PCDH7: variants seen among roughly 807,000 people sequenced by gnomAD.
The protein encoded by PCDH7 is protocadherin 7, also known as protocadherin-7.
A neutral mutation model predicts 58.9 loss-of-function variants in PCDH7; 17 were observed. The observed-to-expected ratio is 0.29, with a 90% CI of 0.20 to 0.43. PCDH7 has a LOEUF of 0.43. Among genes scored for constraint, PCDH7 ranks in the 20% least tolerant of loss-of-function variants. PCDH7 has a pLI of 1.00. For synonymous variants in PCDH7, 664 were observed against 616.4 expected (o/e 1.08, Z -1.14); for missense variants, 1,274 against 1,441.0 (o/e 0.88, Z 1.88).
At chr4:30,912,858 T>C (rs1741972094) in intron 1 of PCDH7, among the ~76,000 whole-genome samples, 2 of 152,182 alleles carry the variant, frequency 1.3e-5, no homozygotes, top group South Asian at 2.1e-4. Flanking sequence ...CTGTAACTAT[T>C]GTGTACAGGT....
intron 1 of PCDH7, among the ~76,000 whole-genome samples, chr4:30,795,302 A>G (rs777275543): frequency 2.4e-4 from 37 of 152,332 alleles, no homozygotes; most frequent in Admixed American, 1.2e-3. Context: ...TTAAATGAAG[A>G]TAATAGCACA....
intron 1 of PCDH7, among the ~76,000 whole-genome samples, chr4:30,762,320 T>G (rs988979238): frequency 2.0e-5 from 3 of 152,180 alleles, no homozygotes; most frequent in Non-Finnish European, 2.9e-5. Context: ...CATTTAAGGA[T>G]GATTATTCAT....
chr4:30,925,441 C>G (rs912719004), intron 2 of PCDH7, among the ~76,000 whole-genome samples: 6 of 152,196 alleles, frequency 3.9e-5, no homozygotes, highest in Non-Finnish European at 8.8e-5. Flanking sequence ...GCAAGGCTGC[C>G]TCTTCCATCT....
chr4:31,017,120 C>T (rs1753681365), intron 3 of PCDH7, among the ~76,000 whole-genome samples: 1 of 152,092 alleles, frequency 6.6e-6, no homozygotes. Flanking sequence ...GAAGTACACC[C>T]AGTTAGCCAA....
chr4:30,735,527 G>GA (rs780991341), downstream of PCDH7, among the ~76,000 whole-genome samples: 1 of 152,148 alleles, frequency 6.6e-6, no homozygotes, highest in Non-Finnish European at 1.5e-5. Flanking sequence ...AGTGACCCCT[G>GA]AAGCAGTTTG....
At chr4:30,761,289 T>G (rs9291549) in intron 1 of PCDH7, among the ~76,000 whole-genome samples, 83,003 of 152,016 alleles carry the variant, frequency 0.55, 23,393 homozygotes, top group African/African-American at 0.68. Context: ...CCAGGAGCTT[T>G]CACTTTTACA....
rs73214926 is a variant in PCDH7 at position 30,887,315 on chromosome 4, A to G, written c.71-32838A>G. Among the ~76,000 whole-genome samples, 852 of 152,258 alleles carry G rather than the reference A, an allele frequency of 5.6e-3. 5 individuals carry two copies. The highest frequency in any genetic ancestry group is 0.02 in the Middle Eastern group (6 of 294). ...AGCTGGGATTGCTATAAGCACACTT[A>G]TAGCACATTAAGACCAAAGCAGAAA... On this transcript the variant is annotated intron_variant, in intron 1 of 3. Transcript: ENST00000509759.
chr4:31,075,008 A>C (rs1367359120), intron 3 of PCDH7, among the ~76,000 whole-genome samples: 1 of 152,050 alleles, frequency 6.6e-6, no homozygotes, highest in African/African-American at 2.4e-5. Flanking sequence ...GCTCTGCTGA[A>C]AAAGACTTTG....
At chr4:30,762,027 T>C (rs1720094730) in intron 1 of PCDH7, among the ~76,000 whole-genome samples, 1 of 152,214 alleles carries the variant, frequency 6.6e-6, no homozygotes, top group Admixed American at 6.5e-5. Context: ...TAAAGTCTTA[T>C]ACATGATCAA....
chr4:30,915,561 G>C (rs902065810), intron 1 of PCDH7, among the ~76,000 whole-genome samples: 1 of 152,074 alleles, frequency 6.6e-6, no homozygotes, highest in Non-Finnish European at 1.5e-5. Flanking sequence ...GTCTCGCTCT[G>C]TCACCAGGCT....
At chr4:30,844,516 T>G (rs1731656528) in intron 1 of PCDH7, among the ~76,000 whole-genome samples, 1 of 152,162 alleles carries the variant, frequency 6.6e-6, no homozygotes, top group Non-Finnish European at 1.5e-5. Context: ...TACTTGGAGC[T>G]TTTCTAGCTT....
At chr4:30,821,051 G>T (rs1728310863) in intron 1 of PCDH7, among the ~76,000 whole-genome samples, 1 of 152,108 alleles carries the variant, frequency 6.6e-6, no homozygotes, top group African/African-American at 2.4e-5. Flanking sequence ...TCAGTCGCTT[G>T]TGCTAAGGAC....
intron 1 of PCDH7, among the ~76,000 whole-genome samples, chr4:30,887,627 C>A (rs1372574075): frequency 1.1e-4 from 17 of 152,060 alleles, no homozygotes; most frequent in Non-Finnish European, 1.2e-4. Context: ...AAACAGTAAA[C>A]AAGTGTGATT....
At chr4:31,019,505 A>T (rs1477353860) in intron 3 of PCDH7, among the ~76,000 whole-genome samples, 10 of 151,792 alleles carry the variant, frequency 6.6e-5, no homozygotes, top group African/African-American at 2.4e-4. Flanking sequence ...AGAGTTAGAG[A>T]CCAACATGGT....
intron 3 of PCDH7, among the ~76,000 whole-genome samples, chr4:31,056,032 G>A (rs1275662176): frequency 6.6e-6 from 1 of 152,106 alleles, no homozygotes; most frequent in Non-Finnish European, 1.5e-5. Context: ...AGTTAGTAAT[G>A]TTTTCCCTTT....
Position 30,835,467 on chromosome 4 carries a change from A to G in PCDH7, c.71-84686A>G, listed in dbSNP as rs374868008. Reference sequence around the variant, plus strand: ...CTGAGGTAAAAGAGCTTCATCCAAAAGCCATCTCCCACCCACCAGCCTTCG... The same window carrying G: ...CTGAGGTAAAAGAGCTTCATCCAAAGGCCATCTCCCACCCACCAGCCTTCG... On this transcript the variant is annotated intron_variant, in intron 1 of 3. Coordinates refer to the PCDH7 transcript ENST00000509759. Among the ~76,000 whole-genome samples, 216 of 152,268 alleles carry G rather than the reference A, an allele frequency of 1.4e-3. 1 individual carries two copies. The highest frequency in any genetic ancestry group is 5.0e-3 in the African/African-American group (207 of 41,570).
intron 1 of PCDH7, among the ~76,000 whole-genome samples, chr4:30,907,865 G>A (rs1400928621): frequency 6.6e-6 from 1 of 152,112 alleles, no homozygotes; most frequent in Non-Finnish European, 1.5e-5. Context: ...GTCCAGCAAT[G>A]ATAAACTAGA....
intron 3 of PCDH7, among the ~76,000 whole-genome samples, chr4:31,117,802 T>A (rs1411132016): frequency 2.6e-5 from 4 of 152,102 alleles, no homozygotes; most frequent in African/African-American, 9.7e-5. Flanking sequence ...GATGTAGAGG[T>A]CAGTCTGTAG....
At chr4:30,942,126 C>G (rs1252178767) in intron 2 of PCDH7, among the ~76,000 whole-genome samples, 1 of 151,782 alleles carries the variant, frequency 6.6e-6, no homozygotes, top group Non-Finnish European at 1.5e-5. Flanking sequence ...AGGACAGGGT[C>G]TTGCATATAG....
Sources: allele counts gnomAD v4.1 joint callset (sites outside exome capture counted in the v4.1 genomes callset), GRCh38; gene constraint gnomAD v4.1.1; transcripts MANE v1.5; gene names NCBI Gene and HGNC (gene_info 2026-07-23, HGNC 2026-07-21).